Variants in SLC35F4 observed in about 807,000 individuals in gnomAD.
SLC35F4 encodes chromosome 14 open reading frame 36.
In SLC35F4, 24 loss-of-function variants were observed where a neutral mutation model predicts 44.2. The observed-to-expected ratio is 0.54, with a 90% confidence interval of 0.39 to 0.76. SLC35F4 has a LOEUF of 0.76. Ranked by LOEUF, SLC35F4 falls within the 30% of genes least tolerant of loss-of-function variation. The probability of loss-of-function intolerance (pLI) is 0.00; values close to 1 mark genes in which losing one functional copy is unlikely to be tolerated. For synonymous variants in SLC35F4, 238 were observed against 223.6 expected (o/e 1.06, Z -0.57); for missense variants, 562 against 586.1 (o/e 0.96, Z 0.42).
At chr14:57,646,473 C>T (rs2073521991) in intron 1 of SLC35F4, among the ~76,000 whole-genome samples, 1 of 151,934 alleles carries the variant, frequency 6.6e-6, no homozygotes, top group Admixed American at 6.6e-5. Flanking sequence ...GGTGATATCC[C>T]CTTTGTCATT....
chr14:57,586,894 A>C (rs34472841), intron 3 of SLC35F4, among the ~76,000 whole-genome samples: 47,488 of 150,812 alleles, frequency 0.31, 7,585 homozygotes, highest in Middle Eastern at 0.37. Flanking sequence ...AAAATTTTGC[A>C]ATCTACCCTT....
At chr14:57,639,751 A>T (rs58376019) in intron 1 of SLC35F4, among the ~76,000 whole-genome samples, 4,203 of 152,118 alleles carry the variant, frequency 0.028, 87 homozygotes, top group South Asian at 0.075. Context: ...AGTGCATAGG[A>T]CTACTAATCA....
At chr14:57,920,806 G>C (rs1458385561) in intron 1 of SLC35F4, among the ~76,000 whole-genome samples, 1 of 152,138 alleles carries the variant, frequency 6.6e-6, no homozygotes, top group South Asian at 2.1e-4. Context: ...AGCCCAATAA[G>C]CTTTAGTATT....
At chr14:57,785,006 T>C (rs1170717893) in intron 1 of SLC35F4, among the ~76,000 whole-genome samples, 1 of 152,224 alleles carries the variant, frequency 6.6e-6, no homozygotes, top group Non-Finnish European at 1.5e-5. Context: ...ACATAACATA[T>C]ACATTTTATG....
chr14:57,747,585 TA>T (rs2076790215), intron 1 of SLC35F4, among the ~76,000 whole-genome samples: 1 of 152,208 alleles, frequency 6.6e-6, no homozygotes, highest in East Asian at 1.9e-4. Flanking sequence ...TCTATTCTGC[TA>T]ACTACTTCCC....
At chr14:57,781,537 A>G (rs554605156) in intron 1 of SLC35F4, among the ~76,000 whole-genome samples, 11 of 152,212 alleles carry the variant, frequency 7.2e-5, no homozygotes, top group Admixed American at 6.5e-5. Context: ...TGGAGCTCAT[A>G]TTTGACCCAG....
At chr14:57,878,976 C>A (rs1351280767) in intron 1 of SLC35F4, among the ~76,000 whole-genome samples, 16 of 152,156 alleles carry the variant, frequency 1.1e-4, no homozygotes, top group Non-Finnish European at 2.4e-4. Flanking sequence ...CAAACCAGCA[C>A]TTGGGCCCAT....
intron 1 of SLC35F4, among the ~76,000 whole-genome samples, chr14:57,960,510 A>C: frequency 6.6e-6 from 1 of 152,186 alleles, no homozygotes; most frequent in South Asian, 2.1e-4. Flanking sequence ...AGGAGAGAGG[A>C]AAGGGGTAGG....
intron 6 of SLC35F4, among the ~76,000 whole-genome samples, chr14:57,567,611 G>A (rs182096098): frequency 4.0e-4 from 61 of 152,312 alleles, no homozygotes; most frequent in Non-Finnish European, 5.9e-4. Flanking sequence ...GCAAGGCAGA[G>A]GGTCTTCCTA....
intron 1 of SLC35F4, among the ~76,000 whole-genome samples, chr14:57,856,610 A>G (rs1415552618): frequency 2.0e-5 from 3 of 152,086 alleles, no homozygotes; most frequent in Admixed American, 1.3e-4. Context: ...AACATATACA[A>G]CGATATTTAG....
At chr14:57,832,443 G>A (rs189217272) in intron 1 of SLC35F4, among the ~76,000 whole-genome samples, 2 of 152,176 alleles carry the variant, frequency 1.3e-5, no homozygotes, top group South Asian at 2.1e-4. Context: ...TGTATGACAT[G>A]AGGACTATAG....
In SLC35F4 at chr14:57,609,122, A is replaced by G. The variant is rs537946044; in HGVS notation, c.104-14998T>C. ...AACCATCCCAAATCTGTTATGCGGG[A>G]GGTAGGGACAGACATGTATGCAGAT... is the stretch of plus-strand genomic sequence containing the variant. On this transcript the variant is annotated intron_variant, in intron 1 of 7. Transcript: ENST00000556826. Among the ~76,000 whole-genome samples the G allele has an allele frequency of 1.4e-4, 21 of 152,278 alleles. No individual in the cohort carries two copies. The South Asian group carries it at 3.1e-3, about 23-fold the overall frequency.
chr14:57,608,157 G>C (rs1463832819), intron 1 of SLC35F4, among the ~76,000 whole-genome samples: 1 of 152,106 alleles, frequency 6.6e-6, no homozygotes, highest in Non-Finnish European at 1.5e-5. Context: ...TCAGTGTATG[G>C]AAAAGTCACT....
intron 1 of SLC35F4, among the ~76,000 whole-genome samples, chr14:57,893,769 A>T (rs12887056): frequency 9.2e-5 from 14 of 152,166 alleles, no homozygotes; most frequent in Admixed American, 2.0e-4. Flanking sequence ...CACTATTTAA[A>T]GAGTTATGTG....
chr14:57,642,355 T>C (rs1257520692), intron 1 of SLC35F4, among the ~76,000 whole-genome samples: 1 of 152,030 alleles, frequency 6.6e-6, no homozygotes, highest in African/African-American at 2.4e-5. Flanking sequence ...CAAATTAACT[T>C]GTGCTTAGGT....
intron 1 of SLC35F4, among the ~76,000 whole-genome samples, chr14:57,617,232 G>T (rs2071891414): frequency 6.7e-6 from 1 of 149,696 alleles, no homozygotes; most frequent in African/African-American, 2.5e-5. Context: ...CCGGGTTCAT[G>T]CCATTCTCCT....
intron 4 of SLC35F4, among the ~76,000 whole-genome samples, chr14:57,575,987 CT>C (rs77706039): frequency 8.1e-5 from 12 of 148,754 alleles, no homozygotes; most frequent in African/African-American, 1.0e-4. Context: ...TTTCTTGTAT[CT>C]TTTTTTTTTC....
chr14:57,926,782 T>C (rs967078689), intron 1 of SLC35F4, among the ~76,000 whole-genome samples: 3 of 149,974 alleles, frequency 2.0e-5, no homozygotes, highest in Admixed American at 2.0e-4. Context: ...AGAGAGGGGA[T>C]GAAAAGTTGA....
At chr14:57,884,230 G>A (rs557815207) in intron 1 of SLC35F4, among the ~76,000 whole-genome samples, 49 of 152,292 alleles carry the variant, frequency 3.2e-4, no homozygotes, top group African/African-American at 1.1e-3. Flanking sequence ...AGACAAAACC[G>A]AAGGTGATTG....
Sources: allele counts gnomAD v4.1 joint callset (sites outside exome capture counted in the v4.1 genomes callset), GRCh38; gene constraint gnomAD v4.1.1; transcripts MANE v1.5; gene names NCBI Gene and HGNC (gene_info 2026-07-23, HGNC 2026-07-21).